IQCJ: variants seen among roughly 807,000 people sequenced by gnomAD.
The protein encoded by IQCJ is IQ domain-containing protein J.
In IQCJ, 9 loss-of-function variants were observed where a neutral mutation model predicts 11.0. The observed-to-expected ratio is 0.82, with a 90% confidence interval of 0.49 to 1.43. IQCJ has a LOEUF of 1.43. IQCJ is among the 40% of genes most tolerant of loss of function. The probability of loss-of-function intolerance (pLI) is 0.00; values close to 1 mark genes in which losing one functional copy is unlikely to be tolerated. For missense variants in IQCJ, 146 were observed against 133.2 expected (o/e 1.10, Z -0.47); for synonymous variants, 55 against 51.3 (o/e 1.07, Z -0.31).
intron 1 of IQCJ, among the ~76,000 whole-genome samples, chr3:159,228,651 C>T (rs894755309): frequency 1.3e-5 from 2 of 152,080 alleles, no homozygotes; most frequent in Non-Finnish European, 2.9e-5. Context: ...ATTAGCCGGG[C>T]GTAGTGGCGG....
intron 1 of IQCJ, among the ~76,000 whole-genome samples, chr3:159,137,226 C>T (rs1040455903): frequency 1.3e-5 from 2 of 150,932 alleles, no homozygotes; most frequent in African/African-American, 4.9e-5. Flanking sequence ...TGTGCCACTG[C>T]ACTCCAGCCT....
chr3:159,204,733 T>C (rs1418688692), intron 1 of IQCJ, among the ~76,000 whole-genome samples: 1 of 152,204 alleles, frequency 6.6e-6, no homozygotes, highest in Non-Finnish European at 1.5e-5. Flanking sequence ...TGAGTCTTCT[T>C]ATAAATAATA....
At chr3:159,197,035 C>A (rs557906160) in intron 1 of IQCJ, among the ~76,000 whole-genome samples, 5 of 151,856 alleles carry the variant, frequency 3.3e-5, no homozygotes, top group Admixed American at 1.3e-4. Flanking sequence ...TCATTAAAGG[C>A]ACCTGGTTGG....
intron 1 of IQCJ, among the ~76,000 whole-genome samples, chr3:159,169,591 A>G (rs552798221): frequency 8.5e-5 from 13 of 152,182 alleles, no homozygotes; most frequent in African/African-American, 3.1e-4. Context: ...CACCCTGCCA[A>G]AGCCCATGTT....
chr3:159,220,243 C>T (rs1281157155), intron 1 of IQCJ, among the ~76,000 whole-genome samples: 1 of 152,182 alleles, frequency 6.6e-6, no homozygotes, highest in Non-Finnish European at 1.5e-5. Flanking sequence ...TGAATTGTGT[C>T]CCTGCCACCC....
At chr3:159,241,386 G>T (rs1255195129) in intron 1 of IQCJ, among the ~76,000 whole-genome samples, 1 of 151,840 alleles carries the variant, frequency 6.6e-6, no homozygotes, top group Non-Finnish European at 1.5e-5. Flanking sequence ...TCCAGCCCGG[G>T]TGACAGAGTG....
intron 3 of IQCJ, among the ~76,000 whole-genome samples, chr3:159,262,302 C>G (rs1728257798): frequency 6.6e-6 from 1 of 152,196 alleles, no homozygotes. Flanking sequence ...TAAGTTGACT[C>G]TTTTAGGCCG....
In IQCJ at chr3:159,069,410, G is replaced by T. The variant is rs866038763; in HGVS notation, c.-23G>T. 1 of 1,607,526 alleles carries T rather than the reference G, an allele frequency of 6.2e-7. No individual in the cohort carries two copies. The highest frequency in any genetic ancestry group is 1.3e-5 in the African/African-American group (1 of 74,552). ...CATCCGATCCAGTCTCCTTTCACCT[G>T]CAGGTGTTCCAGAAACTTCAAAATG... is the stretch of plus-strand genomic sequence containing the variant. On this transcript the variant is annotated 5_prime_UTR_variant, in exon 1 of 4. Coordinates refer to ENST00000397832, the MANE Select transcript of IQCJ (RefSeq NM_001042706.3).
intron 1 of IQCJ, among the ~76,000 whole-genome samples, chr3:159,173,091 T>C (rs2108240937): frequency 6.6e-6 from 1 of 152,350 alleles, no homozygotes; most frequent in Non-Finnish European, 1.5e-5. Context: ...TTTCCAGACC[T>C]TTTTATTACT....
intron 1 of IQCJ, among the ~76,000 whole-genome samples, chr3:159,125,639 G>T (rs1439566316): frequency 6.6e-6 from 1 of 152,164 alleles, no homozygotes; most frequent in East Asian, 1.9e-4. Context: ...AAAAGGCAAG[G>T]TCACAGAGCT....
intron 1 of IQCJ, among the ~76,000 whole-genome samples, chr3:159,178,428 G>A (rs903071935): frequency 6.6e-6 from 1 of 152,144 alleles, no homozygotes; most frequent in Non-Finnish European, 1.5e-5. Flanking sequence ...GCAGTCCTTC[G>A]ATCAGCCCAG....
intron 1 of IQCJ, among the ~76,000 whole-genome samples, chr3:159,201,505 G>A (rs1724329192): frequency 8.0e-6 from 1 of 125,150 alleles, no homozygotes; most frequent in Non-Finnish European, 1.8e-5. Flanking sequence ...GATTCTTTGT[G>A]TATCTCTGTG....
chr3:159,088,966 T>A (rs1406910703), intron 1 of IQCJ, among the ~76,000 whole-genome samples: 3 of 152,140 alleles, frequency 2.0e-5, no homozygotes, highest in Non-Finnish European at 4.4e-5. Flanking sequence ...GTCATTATGA[T>A]GTTAGCTGGT....
chr3:159,116,247 AAGG>A (rs1229892534), intron 1 of IQCJ, among the ~76,000 whole-genome samples: 1 of 151,874 alleles, frequency 6.6e-6, no homozygotes, highest in Non-Finnish European at 1.5e-5. Flanking sequence ...AAAAGAGAAG[AAGG>A]AGAAGGAGAA....
At chr3:159,153,623 A>G (rs1394628091) in intron 1 of IQCJ, among the ~76,000 whole-genome samples, 2 of 152,254 alleles carry the variant, frequency 1.3e-5, no homozygotes, top group Non-Finnish European at 2.9e-5. Flanking sequence ...ACTAATGAAG[A>G]ATAAATGTGA....
intron 1 of IQCJ, among the ~76,000 whole-genome samples, chr3:159,174,472 AC>A (rs1722665406): frequency 6.6e-6 from 1 of 152,190 alleles, no homozygotes; most frequent in Non-Finnish European, 1.5e-5. Flanking sequence ...ACTAAAAATA[AC>A]AGTAAAATTT....
chr3:159,206,086 C>T (rs771270498), intron 1 of IQCJ, among the ~76,000 whole-genome samples: 2 of 152,082 alleles, frequency 1.3e-5, no homozygotes, highest in Non-Finnish European at 2.9e-5. Context: ...TGGGCCAATC[C>T]CTCCATCCTG....
At chr3:159,218,938 T>G (rs890410095) in intron 1 of IQCJ, among the ~76,000 whole-genome samples, 1 of 152,114 alleles carries the variant, frequency 6.6e-6, no homozygotes, top group Non-Finnish European at 1.5e-5. Context: ...TGTCTTGGTT[T>G]ATGATCCTTT....
intron 1 of IQCJ, among the ~76,000 whole-genome samples, chr3:159,191,717 C>A (rs1258724259): frequency 6.6e-6 from 1 of 152,128 alleles, no homozygotes; most frequent in Non-Finnish European, 1.5e-5. Flanking sequence ...CAGCATCCCC[C>A]TAAGGTGACT....
Sources: gnomAD v4.1 joint callset for allele counts (sites outside exome capture counted in the v4.1 genomes callset) on GRCh38, gnomAD v4.1.1 for gene constraint, MANE v1.5 for transcripts, NCBI Gene and HGNC (gene_info 2026-07-23, HGNC 2026-07-21) for gene names.